Variants in SOX5 observed in about 807,000 individuals in gnomAD.
SOX5 encodes SRY-box transcription factor 5.
A neutral mutation model predicts 92.0 loss-of-function variants in SOX5; 9 were observed. That is an observed-to-expected ratio of 0.10 (90% CI 0.06 to 0.17). The LOEUF (loss-of-function observed/expected upper bound fraction) is 0.17, where lower values mean the gene tolerates loss of function less well. Among genes scored for constraint, SOX5 ranks in the 10% least tolerant of loss-of-function variants. The pLI, the probability that SOX5 is intolerant of heterozygous loss-of-function variation, is 1.00. For synonymous variants in SOX5, 344 were observed against 336.3 expected, an observed-to-expected ratio of 1.02 and a Z score of -0.25; for missense variants, 642 against 944.5, an observed-to-expected ratio of 0.68 and a Z score of 4.20.
intron 3 of SOX5, among the ~76,000 whole-genome samples, chr12:24,218,135 A>AGT (rs1959484821): frequency 6.6e-6 from 1 of 152,210 alleles, no homozygotes; most frequent in Non-Finnish European, 1.5e-5. Flanking sequence ...TGTATACCCA[A>AGT]GAGAAATAAA....
At chr12:24,470,630 C>T (rs1160822391) in intron 1 of SOX5, among the ~76,000 whole-genome samples, 2 of 152,124 alleles carry the variant, frequency 1.3e-5, no homozygotes, top group African/African-American at 2.4e-5. Context: ...ACTGCGATTT[C>T]CTTACAAAAC....
chr12:23,948,258 C>A (rs1944944750), intron 1 of SOX5, among the ~76,000 whole-genome samples: 1 of 151,546 alleles, frequency 6.6e-6, no homozygotes, highest in African/African-American at 2.4e-5. Context: ...AGAAAGATGA[C>A]AGCACCGAAG....
intron 2 of SOX5, among the ~76,000 whole-genome samples, chr12:24,334,960 G>A (rs1951730610): frequency 6.7e-6 from 1 of 149,952 alleles, no homozygotes; most frequent in Admixed American, 6.6e-5. Context: ...AAATAATAAT[G>A]AATTTTCTCT....
chr12:24,547,211 G>C (rs1597822609), intron 1 of SOX5, among the ~76,000 whole-genome samples: 1 of 133,574 alleles, frequency 7.5e-6, no homozygotes, highest in African/African-American at 2.8e-5. Flanking sequence ...TTGAGACGGA[G>C]TCTCGCTCTG....
chr12:24,503,092 A>G (rs572339700), intron 1 of SOX5, among the ~76,000 whole-genome samples: 23 of 152,346 alleles, frequency 1.5e-4, no homozygotes, highest in African/African-American at 5.5e-4. Flanking sequence ...AGCTAGTGAA[A>G]TTAGAACAAG....
chr12:23,724,868 A>C (rs1260203737), intron 6 of SOX5, among the ~76,000 whole-genome samples: 2 of 152,228 alleles, frequency 1.3e-5, no homozygotes, highest in Non-Finnish European at 2.9e-5. Flanking sequence ...CATTTAAAAG[A>C]TCACTCTAGC....
chr12:24,290,504 A>G (rs1041586852), intron 2 of SOX5, among the ~76,000 whole-genome samples: 2 of 152,218 alleles, frequency 1.3e-5, no homozygotes, highest in Non-Finnish European at 2.9e-5. Flanking sequence ...CTAGGGGAAG[A>G]TAAGACCTAG....
chr12:23,901,661 T>C (rs554006234), intron 1 of SOX5, among the ~76,000 whole-genome samples: 150 of 152,350 alleles, frequency 9.8e-4, no homozygotes, highest in African/African-American at 3.5e-3. Flanking sequence ...TCACTTGATA[T>C]ATTTTACACT....
chr12:24,010,911 C>T (rs1952848919), intron 4 of SOX5, among the ~76,000 whole-genome samples: 1 of 151,846 alleles, frequency 6.6e-6, no homozygotes, highest in Admixed American at 6.6e-5. Flanking sequence ...TGCTCTCCAG[C>T]CTGGGTGACA....
intron 1 of SOX5, among the ~76,000 whole-genome samples, chr12:23,915,662 A>G (rs973275228): frequency 6.6e-6 from 1 of 152,068 alleles, no homozygotes; most frequent in Admixed American, 6.5e-5. Context: ...AATTCAGAAT[A>G]TGGTTTTTTG....
intron 3 of SOX5, among the ~76,000 whole-genome samples, chr12:23,796,845 C>A (rs1246301269): frequency 6.9e-6 from 1 of 145,382 alleles, no homozygotes; most frequent in Non-Finnish European, 1.5e-5. Context: ...CATTGCAAAG[C>A]CTTAAGACAA....
At chr12:24,424,132 C>T (rs1024941568) in intron 1 of SOX5, among the ~76,000 whole-genome samples, 20 of 152,102 alleles carry the variant, frequency 1.3e-4, no homozygotes, top group Non-Finnish European at 2.2e-4. Flanking sequence ...GGGCAAATAG[C>T]AAAATGAGCA....
At chr12:23,810,873 T>C (rs1237947427) in intron 3 of SOX5, among the ~76,000 whole-genome samples, 4 of 152,286 alleles carry the variant, frequency 2.6e-5, no homozygotes, top group Admixed American at 6.5e-5. Flanking sequence ...AATTAATATA[T>C]TCTTTTTGAG....
chr12:24,436,290 G>A (rs919451525), intron 1 of SOX5, among the ~76,000 whole-genome samples: 4 of 152,198 alleles, frequency 2.6e-5, no homozygotes, highest in African/African-American at 9.6e-5. Context: ...AATTAGTCAA[G>A]TTGTAATGCA....
At chr12:23,718,846 A>G (rs2092655865) in intron 6 of SOX5, among the ~76,000 whole-genome samples, 1 of 152,220 alleles carries the variant, frequency 6.6e-6, no homozygotes, top group South Asian at 2.1e-4. Flanking sequence ...GAGAACATCA[A>G]TTCCAAACGG....
At chr12:23,678,254 C>A (rs1188379521) in intron 6 of SOX5, among the ~76,000 whole-genome samples, 1 of 151,950 alleles carries the variant, frequency 6.6e-6, no homozygotes, top group Non-Finnish European at 1.5e-5. Flanking sequence ...TAAATATACC[C>A]AATAATAAAG....
chr12:23,804,778 G>GT (rs1466479167), intron 3 of SOX5, among the ~76,000 whole-genome samples: 3 of 151,136 alleles, frequency 2.0e-5, no homozygotes, highest in African/African-American at 7.3e-5. Context: ...TTTGAATACC[G>GT]TTTTCTCCTT....
In SOX5 at chr12:24,044,544, A is replaced by G. The variant is rs1956818465; in HGVS notation, c.-1-148520T>C. On this transcript the variant is annotated intron_variant, in intron 4 of 4. Coordinates refer to the SOX5 transcript ENST00000446891. The stretch of plus-strand genomic sequence containing the variant: ...TGTTGGCAGAGTCTTTGGGTATGCA[A>G]CCTTAAAGAATGTTTCCATCTCCAC... 3.3e-5 allele frequency among the ~76,000 whole-genome samples: 5 copies of G among 152,220 alleles called. No homozygotes were observed. In the South Asian group the frequency reaches 1.0e-3, roughly 32 times the overall value.
intron 1 of SOX5, among the ~76,000 whole-genome samples, chr12:24,504,398 TA>T (rs1211054177): frequency 6.6e-6 from 1 of 152,190 alleles, no homozygotes; most frequent in East Asian, 1.9e-4. Flanking sequence ...TACAGGTCAC[TA>T]AAAGGCTTTT....
Sources: allele counts gnomAD v4.1 joint callset (sites outside exome capture counted in the v4.1 genomes callset), GRCh38; gene constraint gnomAD v4.1.1; transcripts MANE v1.5; gene names NCBI Gene and HGNC (gene_info 2026-07-23, HGNC 2026-07-21).